ASAH1: variants seen among roughly 807,000 people sequenced by gnomAD.
The protein encoded by ASAH1 is acid ceramidase.
A neutral mutation model predicts 59.5 loss-of-function variants in ASAH1; 70 were observed. The ratio of observed to expected loss-of-function variants is 1.18; its 90% confidence interval spans 0.97 to 1.43. The LOEUF is 1.43. ASAH1 is among the 40% of genes most tolerant of loss of function. The probability of loss-of-function intolerance (pLI) is 0.00; values close to 1 mark genes in which losing one functional copy is unlikely to be tolerated. For synonymous variants in ASAH1, 213 were observed against 166.5 expected, an observed-to-expected ratio of 1.28 and a Z score of -2.15; for missense variants, 660 against 482.5, an observed-to-expected ratio of 1.37 and a Z score of -3.45.
chr8:18,064,482 A>T lies in ASAH1; in HGVS notation c.432T>A (p.Thr144=). The T allele has an allele frequency of 6.3e-7, 1 of 1,582,390 alleles. No individual in the cohort carries two copies. Among genetic ancestry groups the T allele is most frequent in the African/African-American group, 1.3e-5 (1 of 74,084 alleles). The part of the protein sequence containing the change: ...NIFYELFTIC[T]SIVAEDKKGH... ...CTTTTTTGTCTTCTGCTACTATTGA[A>T]GTACAAATGGTAAATAATTCATAAA... is the stretch of plus-strand genomic sequence containing the variant. Residue 144 remains threonine (T), a synonymous_variant, in exon 6 of 14, where the codon ACT becomes ACA. Transcript: ENST00000637790.
chr8:18,056,118 A>C lies in ASAH1; in HGVS notation c.*1416T>G, dbSNP rs1465516045. On this transcript the variant is annotated 3_prime_UTR_variant, in exon 14 of 14. Transcript: ENST00000637790. ...TCTGAGTAAAGTTTTTTTTTCATTA[A>C]TTAAATCCTATTTTAATGTAAATCC... 6.6e-6 allele frequency: 1 copy of C among 152,104 alleles called. No individual in the cohort carries two copies. Among genetic ancestry groups the C allele is most frequent in the East Asian group, 1.9e-4 (1 of 5,190 alleles). 9.4% of individuals were successfully genotyped at this position (152,104 alleles called of 1,614,324 possible).
rs947770502 is a variant in ASAH1 at position 18,062,366 on chromosome 8, C to G, written c.561G>C (p.Val187=). The G allele has an allele frequency of 6.2e-7, 1 of 1,614,032 alleles. No individual in the cohort carries two copies. The highest frequency in any genetic ancestry group is 1.3e-5 in the African/African-American group (1 of 74,926). Residue 187 remains valine, a synonymous_variant, in exon 8 of 14, where the codon GTG becomes GTC. Transcript: ENST00000637790. ...TGTTGTTTCTTTGGAAATCCAAATT[C>G]ACTGTTAAAGGTTTTAGTTGCTCAG... The part of the protein sequence containing the change: ...VITEQLKPLT[V]NLDFQRNNKT...
intron 1 of ASAH1, among the ~76,000 whole-genome samples, chr8:18,079,600 A>C (rs1293141968): frequency 1.3e-5 from 2 of 152,224 alleles, no homozygotes; most frequent in Non-Finnish European, 2.9e-5. Context: ...TGAATTTTAA[A>C]AGTCCAGAAA....
chr8:18,070,818 G>A (rs931602743), intron 3 of ASAH1, among the ~76,000 whole-genome samples: 6 of 152,158 alleles, frequency 3.9e-5, no homozygotes, highest in African/African-American at 1.2e-4. Flanking sequence ...ATTTCATGAA[G>A]TGTTCTTTTA....
At chr8:18,083,899 C>T in intron 1 of ASAH1, 82 bp downstream of exon 1, 1 of 1,539,602 alleles carries the variant, frequency 6.5e-7, no homozygotes, top group Non-Finnish European at 8.7e-7. Flanking sequence ...TTCCTTGTAC[C>T]CGCTCGCGCC....
intron 3 of ASAH1, 34 bp downstream of exon 3, chr8:18,071,263 AAAT>A: frequency 9.3e-7 from 1 of 1,072,880 alleles, no homozygotes; most frequent in Middle Eastern, 3.3e-4. Context: ...TAAAAAATAA[AAAT>A]AAAGAAATAA....
intron 2 of ASAH1, 120 bp from the exon 3 acceptor site, chr8:18,071,510 C>A: frequency 3.0e-6 from 2 of 674,592 alleles, no homozygotes; most frequent in African/African-American, 1.8e-5. Context: ...ATTTGGTTAC[C>A]CAAACCAAAA....
At chr8:18,074,084 T>C (rs1277469858) in intron 2 of ASAH1, among the ~76,000 whole-genome samples, 1 of 152,210 alleles carries the variant, frequency 6.6e-6, no homozygotes, top group East Asian at 1.9e-4. Context: ...ATTCAATTTA[T>C]AGACACATGT....
upstream of ASAH1, chr8:18,084,118 G>T (rs1800787793): frequency 6.3e-7 from 1 of 1,586,774 alleles, no homozygotes. Context: ...AGCCGGCTGG[G>T]CCGGGGGCAG....
chr8:18,078,675 T>G (rs1424812998), intron 1 of ASAH1, among the ~76,000 whole-genome samples: 2 of 152,182 alleles, frequency 1.3e-5, no homozygotes, highest in African/African-American at 4.8e-5. Flanking sequence ...TTAAAGTTCC[T>G]TACTATCCCC....
intron 6 of ASAH1, 23 bp downstream of exon 6, chr8:18,064,432 CCA>C: frequency 4.0e-5 from 50 of 1,265,122 alleles, no homozygotes; most frequent in Middle Eastern, 1.8e-4. Context: ...TTCATGCTGC[CCA>C]CCCTCCCTCA....
rs771847002 is a variant in ASAH1 at position 18,059,603 on chromosome 8, G to A, written c.886C>T (p.Arg296Ter). The stretch of plus-strand genomic sequence containing the variant: ...ACATCCAATGATTCCTTTCTGTCTC[G>A]TGTAATCACACAACCTTCCCCAGAC... ...NQSGEGCVIT[R>*]DRKESLDVYE... Residue 296 changes from arginine to a stop codon, truncating the protein, a stop_gained, in exon 11 of 14, where the codon CGA (arginine) becomes TGA (stop). Transcript: ENST00000637790. LOFTEE classifies it high-confidence loss of function. 5.6e-6 allele frequency: 9 copies of A among 1,613,948 alleles called. No homozygotes were observed. The highest frequency in any genetic ancestry group is 5.0e-5 in the Admixed American group (3 of 59,980).
At chr8:18,064,691 C>T in intron 5 of ASAH1, 160 bp from the exon 6 acceptor site, 3 of 615,650 alleles carry the variant, frequency 4.9e-6, no homozygotes, top group Admixed American at 2.8e-5. Context: ...CTTCCCCAGC[C>T]TGGACTCTCT....
Position 18,057,608 on chromosome 8 carries a change from T to A in ASAH1, c.1114A>T (p.Thr372Ser), listed in dbSNP as rs201151177. ...PVLNKLTVYT[T>S]LIDVTKGQFE... Reference sequence around the variant, plus strand: ...TGACCTTTGGTAACATCTATCAAGGTTGTGTATACGGTCAGCTGAAAGAAA... The same window carrying A: ...TGACCTTTGGTAACATCTATCAAGGATGTGTATACGGTCAGCTGAAAGAAA... The change falls in exon 14 of 14, where the codon ACC becomes TCC. Residue 372 changes from threonine to serine, a missense_variant. Thr to Ser is a moderately conservative substitution (Grantham distance 58). Coordinates refer to ENST00000637790, the MANE Select transcript of ASAH1 (RefSeq NM_177924.5). 6.2e-7 allele frequency: 1 copy of A among 1,602,716 alleles called. No individual in the cohort carries two copies. The highest frequency in any genetic ancestry group is 1.3e-5 in the African/African-American group (1 of 74,646).
intron 5 of ASAH1, chr8:18,065,626 A>T (rs1263746793): frequency 6.6e-6 from 1 of 152,282 alleles, no homozygotes; most frequent in South Asian, 2.1e-4. Flanking sequence ...AATAATTTTA[A>T]CGAATGGCAT....
At position 18,067,282 on chromosome 8, in the gene ASAH1, T is replaced by C. The variant is rs200767975; in HGVS notation, c.320A>G (p.Asn107Ser). The C allele has an allele frequency of 4.8e-5, 77 of 1,600,104 alleles. No homozygotes were observed. In the African/African-American group the frequency reaches 8.2e-4, roughly 17 times the overall value. ...VDEKLPGLLG[N>S]FPGPFEEEMK... is the part of the protein sequence containing the mutation. ...TTCCTCTTCAAAAGGGCCAGGAAAG[T>C]TGCCAAGTAGGCCAGGCTGGAAAAC... The change falls in exon 5 of 14, where the codon AAC becomes AGC. Residue 107 changes from asparagine to serine, a missense_variant. By Grantham distance (46) the Asn-to-Ser change is conservative (BLOSUM62 1). Transcript: ENST00000637790.
intron 4 of ASAH1, chr8:18,068,582 T>C (rs1468384979): frequency 6.6e-6 from 1 of 152,144 alleles, no homozygotes; most frequent in Non-Finnish European, 1.5e-5. Context: ...CACGGGAGAT[T>C]TGGTAACATC....
At chr8:18,083,800 C>G (rs1181783146) in intron 1 of ASAH1, 181 bp downstream of exon 1, 1 of 1,283,600 alleles carries the variant, frequency 7.8e-7, no homozygotes, top group Non-Finnish European at 1.1e-6. Flanking sequence ...CCGAATCTAC[C>G]GAGGACGGGG....
At chr8:18,084,181 C>A (rs1441099380), upstream of ASAH1, 2 of 1,540,856 alleles carry the variant, frequency 1.3e-6, no homozygotes, top group East Asian at 2.4e-5. Context: ...CCATTCCAGG[C>A]AGTAGGGGGA....
Sources: allele counts gnomAD v4.1 joint callset (sites outside exome capture counted in the v4.1 genomes callset), GRCh38; gene constraint gnomAD v4.1.1; transcripts MANE v1.5; gene names NCBI Gene and HGNC (gene_info 2026-07-23, HGNC 2026-07-21).